TMEM108: variants seen among roughly 807,000 people sequenced by gnomAD.
The protein encoded by TMEM108 is cancer/testis antigen 124.
A neutral mutation model predicts 35.1 loss-of-function variants in TMEM108; 12 were observed. The observed-to-expected ratio is 0.34, with a 90% CI of 0.22 to 0.55. The LOEUF is 0.55. Ranked by LOEUF, TMEM108 falls within the 20% of genes least tolerant of loss-of-function variation. TMEM108 has a pLI of 0.89. For synonymous variants in TMEM108, 287 were observed against 308.6 expected (o/e 0.93, Z 0.73); for missense variants, 680 against 753.3 (o/e 0.90, Z 1.14).
chr3:133,044,135 A>C (rs1943307650), intron 1 of TMEM108, among the ~76,000 whole-genome samples: 1 of 152,236 alleles, frequency 6.6e-6, no homozygotes, highest in South Asian at 2.1e-4. Flanking sequence ...TAGTAGAAGA[A>C]TAGAAATTAC....
Position 133,380,141 on chromosome 3 carries a change from A to T in TMEM108, c.430A>T (p.Thr144Ser). The change falls in exon 4 of 6, where the codon ACA becomes TCA. Residue 144 changes from threonine to serine, a missense_variant. Coordinates refer to ENST00000321871, the MANE Select transcript of TMEM108 (RefSeq NM_023943.4). This position sits in a 1 kb window ranked among gnomAD's most constrained non-coding sequence, Gnocchi z 5.3. ...RGQAAPTILL[T>S]KPPGATSRPT... ...GCAGGCTGCCCCCACCATCCTGCTG[A>T]CAAAGCCACCGGGGGCCACCAGCCG... 6.2e-7 allele frequency: 1 copy of T among 1,613,442 alleles called. No homozygotes were observed. The highest frequency in any genetic ancestry group is 8.5e-7 in the Non-Finnish European group (1 of 1,179,780).
intron 3 of TMEM108, among the ~76,000 whole-genome samples, chr3:133,314,344 T>C (rs778254266): frequency 6.6e-6 from 1 of 152,224 alleles, no homozygotes; most frequent in African/African-American, 2.4e-5. Flanking sequence ...TGTTATTAAA[T>C]CATGTAGATG....
At chr3:133,057,455 A>G (rs1377982223) in intron 2 of TMEM108, among the ~76,000 whole-genome samples, 6 of 43,008 alleles carry the variant, frequency 1.4e-4, no homozygotes, top group African/African-American at 2.6e-4. Flanking sequence ...ATATATATAT[A>G]TATATATATA....
chr3:133,305,437 C>T (rs1035076385), intron 3 of TMEM108, among the ~76,000 whole-genome samples: 2 of 151,460 alleles, frequency 1.3e-5, no homozygotes, highest in African/African-American at 2.4e-5. Context: ...ATGGGTGCAG[C>T]GCACCAGCAT....
At chr3:133,303,715 T>C (rs1258342389) in intron 3 of TMEM108, among the ~76,000 whole-genome samples, 1 of 152,218 alleles carries the variant, frequency 6.6e-6, no homozygotes, top group East Asian at 1.9e-4. Flanking sequence ...TCAAATCACA[T>C]GTAATAATAT....
intron 3 of TMEM108, among the ~76,000 whole-genome samples, chr3:133,324,443 G>A (rs933026812): frequency 6.6e-6 from 1 of 152,262 alleles, no homozygotes; most frequent in Non-Finnish European, 1.5e-5. Context: ...AATTATTAGG[G>A]AAATGCAAGT....
chr3:133,214,786 T>G (rs1481833616), intron 2 of TMEM108, among the ~76,000 whole-genome samples: 1 of 152,112 alleles, frequency 6.6e-6, no homozygotes, highest in Non-Finnish European at 1.5e-5. Context: ...GAGTTCCACC[T>G]CCTGTCAGAT....
intron 4 of TMEM108, among the ~76,000 whole-genome samples, chr3:133,385,222 TG>T (rs908604936): frequency 5.3e-5 from 8 of 152,208 alleles, no homozygotes; most frequent in African/African-American, 1.9e-4. Context: ...GCATTATGGC[TG>T]GGAAACATGT....
chr3:133,182,453 A>G (rs1482080332), intron 2 of TMEM108, among the ~76,000 whole-genome samples: 2 of 152,334 alleles, frequency 1.3e-5, no homozygotes, highest in East Asian at 3.9e-4. Flanking sequence ...GCACCTAAGC[A>G]TTAGCAAAAC....
intron 2 of TMEM108, among the ~76,000 whole-genome samples, chr3:133,166,639 C>T (rs13087916): frequency 0.15 from 23,096 of 151,762 alleles, 1,825 homozygotes; most frequent in South Asian, 0.21. Context: ...TCCTTCCTCC[C>T]GTCCAGAGTT....
At chr3:133,329,990 T>G (rs2107726531) in intron 3 of TMEM108, among the ~76,000 whole-genome samples, 1 of 152,314 alleles carries the variant, frequency 6.6e-6, no homozygotes, top group Middle Eastern at 3.4e-3. Flanking sequence ...AGTTTCCACC[T>G]GTCTTTTTAT....
chr3:133,137,002 C>T (rs1944573988), intron 2 of TMEM108, among the ~76,000 whole-genome samples: 1 of 152,152 alleles, frequency 6.6e-6, no homozygotes, highest in African/African-American at 2.4e-5. Context: ...TGTTAAATTG[C>T]AGAATTAGTC....
At chr3:133,304,053 C>G (rs1947267659) in intron 3 of TMEM108, among the ~76,000 whole-genome samples, 1 of 152,170 alleles carries the variant, frequency 6.6e-6, no homozygotes, top group Admixed American at 6.5e-5. Context: ...CTTCTCTGAG[C>G]CCAAATCTGC....
chr3:133,211,492 A>G (rs533728147), intron 2 of TMEM108, among the ~76,000 whole-genome samples: 2 of 152,332 alleles, frequency 1.3e-5, no homozygotes, highest in East Asian at 3.9e-4. Context: ...CATCTCTACA[A>G]TATCATTTAA....
At chr3:133,132,787 G>C (rs1005982228) in intron 2 of TMEM108, among the ~76,000 whole-genome samples, 13 of 151,914 alleles carry the variant, frequency 8.6e-5, no homozygotes, top group Non-Finnish European at 1.6e-4. Context: ...TTCTGGAAAG[G>C]ATTCAGCATT....
At chr3:133,369,884 C>T (rs1297997608) in intron 3 of TMEM108, among the ~76,000 whole-genome samples, 3 of 152,178 alleles carry the variant, frequency 2.0e-5, no homozygotes, top group Non-Finnish European at 2.9e-5. Context: ...AGTTATGTCC[C>T]CTTCTAGAGC....
In TMEM108 at chr3:133,191,706, G is replaced by T. The variant is rs79943130; in HGVS notation, c.-46-37560G>T. Reference sequence around the variant, plus strand: ...GCTTCTACCTAGTCAAGATTCATATGTTATCACTGCCCAGTGGAAAGCTAC... The same window carrying T: ...GCTTCTACCTAGTCAAGATTCATATTTTATCACTGCCCAGTGGAAAGCTAC... On this transcript the variant is annotated intron_variant, in intron 2 of 5. Coordinates refer to ENST00000321871, the MANE Select transcript of TMEM108 (RefSeq NM_023943.4). Among the ~76,000 whole-genome samples, 83 of 152,258 alleles carry T rather than the reference G, an allele frequency of 5.5e-4. 1 individual carries two copies. In the East Asian group the frequency reaches 0.012, roughly 23 times the overall value.
At chr3:133,279,871 G>T (rs1189735781) in intron 3 of TMEM108, among the ~76,000 whole-genome samples, 1 of 152,130 alleles carries the variant, frequency 6.6e-6, no homozygotes, top group Non-Finnish European at 1.5e-5. Context: ...ATGACTCCAG[G>T]ATACAAAAAG....
intron 2 of TMEM108, among the ~76,000 whole-genome samples, chr3:133,100,340 C>G (rs1319725293): frequency 6.6e-6 from 1 of 152,168 alleles, no homozygotes; most frequent in Non-Finnish European, 1.5e-5. Flanking sequence ...CGGGTCATGC[C>G]TATAATCCCA....
Sources: allele counts gnomAD v4.1 joint callset (sites outside exome capture counted in the v4.1 genomes callset), GRCh38; gene constraint gnomAD v4.1.1; non-coding constraint Gnocchi (gnomAD v3.1); transcripts MANE v1.5; gene names NCBI Gene and HGNC (gene_info 2026-07-23, HGNC 2026-07-21).